Variants in PDE5A observed in about 807,000 individuals in gnomAD.
PDE5A encodes the protein phosphodiesterase 5A.
A neutral mutation model predicts 110.2 loss-of-function variants in PDE5A; 67 were observed. That is an observed-to-expected ratio of 0.61 (90% confidence interval 0.50 to 0.75). The LOEUF (loss-of-function observed/expected upper bound fraction) is 0.75, where lower values mean the gene tolerates loss of function less well. PDE5A is among the 30% of genes least tolerant of loss of function. The pLI, the probability that PDE5A is intolerant of heterozygous loss-of-function variation, is 0.00. For synonymous variants in PDE5A, 328 were observed against 351.2 expected (o/e 0.93, Z 0.74); for missense variants, 862 against 1,045.1 (o/e 0.82, Z 2.42).
At chr4:119,512,026 G>A (rs1409015963) in intron 14 of PDE5A, among the ~76,000 whole-genome samples, 2 of 152,082 alleles carry the variant, frequency 1.3e-5, no homozygotes, top group Non-Finnish European at 2.9e-5. Context: ...TTTGTGAATT[G>A]TAAAGCTCCA....
chr4:119,619,444 A>G (rs1449806914), intron 1 of PDE5A, among the ~76,000 whole-genome samples: 2 of 152,172 alleles, frequency 1.3e-5, no homozygotes, highest in Non-Finnish European at 2.9e-5. Flanking sequence ...CATTAACTTG[A>G]GCCAGTCACA....
At chr4:119,587,540 C>T (rs893191035) in intron 3 of PDE5A, among the ~76,000 whole-genome samples, 10 of 152,124 alleles carry the variant, frequency 6.6e-5, no homozygotes, top group Admixed American at 3.3e-4. Context: ...CCCGCCACCG[C>T]GCCCGGCTAA....
chr4:119,515,772 G>C (rs1725889711), intron 14 of PDE5A, among the ~76,000 whole-genome samples: 1 of 152,050 alleles, frequency 6.6e-6, no homozygotes, highest in Non-Finnish European at 1.5e-5. Flanking sequence ...GCCAGTATGT[G>C]ATTTTTCAGC....
intron 3 of PDE5A, among the ~76,000 whole-genome samples, chr4:119,587,915 C>T (rs1340185446): frequency 6.6e-6 from 1 of 152,166 alleles, no homozygotes; most frequent in Non-Finnish European, 1.5e-5. Context: ...AGATCATAGA[C>T]AAGGACTCCT....
intron 3 of PDE5A, among the ~76,000 whole-genome samples, chr4:119,592,715 G>A (rs1560631782): frequency 6.6e-6 from 1 of 152,006 alleles, no homozygotes; most frequent in African/African-American, 2.4e-5. Context: ...GGAGCATTTT[G>A]GATTTTCAAA....
intron 19 of PDE5A, 175 bp downstream of exon 19, chr4:119,502,406 A>T: frequency 2.1e-6 from 1 of 478,382 alleles, no homozygotes; most frequent in East Asian, 3.3e-5. Context: ...TATGCCTTTT[A>T]TTGGTTTTGC....
chr4:119,496,632 A>G lies in PDE5A; in HGVS notation c.*1969T>C, dbSNP rs949633527. On this transcript the variant is annotated 3_prime_UTR_variant, in exon 21 of 21. Coordinates refer to ENST00000354960, the MANE Select transcript of PDE5A (RefSeq NM_001083.4). The stretch of plus-strand genomic sequence containing the variant: ...AGTACATATTTTAGCATAACTGCTA[A>G]ATCACAATGTAATAAAAAGGTTTAT... 2 of 152,588 alleles carry G rather than the reference A, an allele frequency of 1.3e-5. No individual in the cohort carries two copies. The highest frequency in any genetic ancestry group is 3.9e-4 in the East Asian group (2 of 5,188). The allele number at this position is 152,588 out of a possible 1,614,324, so 9.5% of individuals were successfully genotyped here.
intron 1 of PDE5A, among the ~76,000 whole-genome samples, chr4:119,608,815 G>A (rs1385328535): frequency 4.6e-5 from 7 of 152,122 alleles, no homozygotes; most frequent in Non-Finnish European, 7.4e-5. Context: ...TACTATTTTG[G>A]AGATAGTATA....
chr4:119,520,093 C>T (rs1318909246), intron 13 of PDE5A, among the ~76,000 whole-genome samples: 3 of 152,110 alleles, frequency 2.0e-5, no homozygotes, highest in South Asian at 2.1e-4. Flanking sequence ...TCAACCTACA[C>T]GTGTTTGCTA....
intron 20 of PDE5A, chr4:119,500,406 T>TAACC (rs1725260979): frequency 6.6e-6 from 1 of 151,756 alleles, no homozygotes; most frequent in African/African-American, 2.4e-5. Flanking sequence ...CCTCTCCCAC[T>TAACC]AACCACCTGT....
chr4:119,536,655 A>G (rs1209728468), intron 11 of PDE5A, among the ~76,000 whole-genome samples: 1 of 152,190 alleles, frequency 6.6e-6, no homozygotes, highest in Non-Finnish European at 1.5e-5. Context: ...TGTTCTTGGC[A>G]GTTAACTCAG....
At position 119,628,794 on chromosome 4, in the gene PDE5A, C is replaced by A. The variant is rs536731425; in HGVS notation, c.-123G>T. The A allele has an allele frequency of 1.4e-6, 2 of 1,436,402 alleles. No individual in the cohort carries two copies. The highest frequency in any genetic ancestry group is 1.2e-5 in the South Asian group (1 of 82,490). The allele number at this position is 1,436,402 out of a possible 1,614,324, so 89.0% of individuals were successfully genotyped here. A position where few individuals can be genotyped will look rare whatever the true frequency, so the allele number is the denominator to read the frequency against. Reference sequence around the variant, plus strand: ...CCCCTTCGTCCTGCTCCAGTCGGGCCGGCTTTCGACAAAGCGGCCGGAGCG... The same window carrying A: ...CCCCTTCGTCCTGCTCCAGTCGGGCAGGCTTTCGACAAAGCGGCCGGAGCG... On this transcript the variant is annotated 5_prime_UTR_variant, in exon 1 of 21. Transcript: ENST00000354960.
chr4:119,504,632 T>C lies in PDE5A; in HGVS notation c.2268-33A>G, dbSNP rs759210198. On this transcript the variant is annotated intron_variant, in intron 17 of 20. Coordinates refer to ENST00000354960, the MANE Select transcript of PDE5A (RefSeq NM_001083.4). The stretch of plus-strand genomic sequence containing the variant: ...GGAAAAAAGAAACCCAAAACTCCTA[T>C]TTACTTTTGTGTTATTATATACCCT... The C allele has an allele frequency of 3.2e-6, 5 of 1,576,604 alleles. No individual in the cohort carries two copies. The African/African-American group carries it at 6.8e-5, about 21-fold the overall frequency.
At chr4:119,528,336 T>C (rs1370398193) in intron 11 of PDE5A, among the ~76,000 whole-genome samples, 1 of 152,154 alleles carries the variant, frequency 6.6e-6, no homozygotes, top group African/African-American at 2.4e-5. Context: ...AGTTAATCTT[T>C]GAGTGCAGGA....
At chr4:119,544,395 TG>T (rs1312720846) in intron 9 of PDE5A, among the ~76,000 whole-genome samples, 5 of 152,190 alleles carry the variant, frequency 3.3e-5, no homozygotes, top group African/African-American at 1.2e-4. Context: ...ATATACTAAA[TG>T]GCAATCAGCG....
At chr4:119,505,149 T>G (rs1725510634) in intron 17 of PDE5A, among the ~76,000 whole-genome samples, 1 of 152,016 alleles carries the variant, frequency 6.6e-6, no homozygotes, top group Non-Finnish European at 1.5e-5. Context: ...GAAAGTTTTC[T>G]CACTCCTAGG....
At chr4:119,500,922 A>C in intron 20 of PDE5A, 1 of 476,242 alleles carries the variant, frequency 2.1e-6, no homozygotes. Flanking sequence ...TAACACTGGC[A>C]CATAATTCTT....
intron 3 of PDE5A, among the ~76,000 whole-genome samples, chr4:119,587,856 G>A (rs1728817798): frequency 6.6e-6 from 1 of 152,176 alleles, no homozygotes; most frequent in African/African-American, 2.4e-5. Context: ...TTTCCTCCAA[G>A]TTTACTTGCC....
At chr4:119,596,378 A>G in intron 3 of PDE5A, 145 bp downstream of exon 3, 1 of 455,858 alleles carries the variant, frequency 2.2e-6, no homozygotes, top group Non-Finnish European at 3.8e-6. Flanking sequence ...TCTAAATAGA[A>G]AAAAAATCAA....
Sources: gnomAD v4.1 joint callset for allele counts (sites outside exome capture counted in the v4.1 genomes callset) on GRCh38, gnomAD v4.1.1 for gene constraint, MANE v1.5 for transcripts, NCBI Gene and HGNC (gene_info 2026-07-23, HGNC 2026-07-21) for gene names.